Variants in UBR3 observed in about 807,000 individuals in gnomAD.
The protein encoded by UBR3 is E3 ubiquitin-protein ligase UBR3.
Under a neutral mutation model 243.2 loss-of-function variants are expected in UBR3, and 85 were observed. That is an observed-to-expected ratio of 0.35 (90% CI 0.29 to 0.42). The LOEUF (loss-of-function observed/expected upper bound fraction) is 0.42. UBR3 is among the 10% of genes least tolerant of loss of function. The pLI, the probability that UBR3 is intolerant of heterozygous loss-of-function variation, is 1.00. For missense variants in UBR3, 1,686 were observed against 2,300.8 expected (o/e 0.73, Z 5.47); for synonymous variants, 748 against 799.8 (o/e 0.94, Z 1.09).
At chr2:170,020,155 A>T (rs935281027) in intron 30 of UBR3, among the ~76,000 whole-genome samples, 2 of 152,306 alleles carry the variant, frequency 1.3e-5, no homozygotes, top group South Asian at 4.1e-4. Context: ...TGGCTTATGA[A>T]GGCCTTTTTC....
intron 1 of UBR3, among the ~76,000 whole-genome samples, chr2:169,831,127 A>ATATT (rs1450878762): frequency 1.8e-4 from 10 of 56,464 alleles, no homozygotes; most frequent in East Asian, 9.0e-4. Flanking sequence ...ATATATATAT[A>ATATT]TTTTTTTTTT....
At chr2:169,865,560 A>C (rs17554191) in intron 1 of UBR3, among the ~76,000 whole-genome samples, 3 of 152,018 alleles carry the variant, frequency 2.0e-5, no homozygotes, top group East Asian at 1.9e-4. Context: ...ACTCTGTTCA[A>C]ATTTTTCTTT....
At chr2:169,959,004 T>C (rs970298756) in intron 24 of UBR3, among the ~76,000 whole-genome samples, 1 of 152,202 alleles carries the variant, frequency 6.6e-6, no homozygotes, top group Non-Finnish European at 1.5e-5. Context: ...TGTATGATAG[T>C]AGCCTTTTAC....
chr2:169,844,285 C>T (rs2082394221), intron 1 of UBR3, among the ~76,000 whole-genome samples: 1 of 152,150 alleles, frequency 6.6e-6, no homozygotes, highest in African/African-American at 2.4e-5. Flanking sequence ...AGGCGTGAGC[C>T]ACTGCACCCG....
Position 169,891,146 on chromosome 2 carries a change from T to C in UBR3, c.1039-19T>C. 1 of 1,537,990 alleles carries C rather than the reference T, an allele frequency of 6.5e-7. No homozygotes were observed. The highest frequency in any genetic ancestry group is 8.8e-7 in the Non-Finnish European group (1 of 1,135,684). ...TTATGAATGTGACTGTGTATAATGC[T>C]AATATTATTTTCCTTCAGGATGATC... On this transcript the variant is annotated intron_variant, in intron 5 of 38. Transcript: ENST00000272793.
chr2:170,019,625 G>A (rs2090335840), intron 30 of UBR3, among the ~76,000 whole-genome samples: 1 of 152,072 alleles, frequency 6.6e-6, no homozygotes, highest in Non-Finnish European at 1.5e-5. Flanking sequence ...GTGGAGGCTG[G>A]AGTGAGGCAT....
rs561484178 is a variant in UBR3 at position 169,865,720 on chromosome 2, T to C, written c.546-6516T>C. Among the ~76,000 whole-genome samples, 5 of 152,346 alleles carry C rather than the reference T, an allele frequency of 3.3e-5. No homozygotes were observed. In the East Asian group the frequency reaches 9.6e-4, roughly 29 times the overall value. On this transcript the variant is annotated intron_variant, in intron 1 of 38. Coordinates refer to ENST00000272793, the MANE Select transcript of UBR3 (RefSeq NM_172070.4). ...AGTTTCATGCCCAATTATGTTTTCC[T>C]ATTCTTCTCTCCTGGCTTTCCTTTC...
intron 36 of UBR3, among the ~76,000 whole-genome samples, chr2:170,074,322 C>T (rs2091761204): frequency 6.6e-6 from 1 of 152,036 alleles, no homozygotes; most frequent in South Asian, 2.1e-4. Flanking sequence ...ACTTGGTGAC[C>T]AGATGTACAT....
chr2:169,858,131 C>T (rs962994392), intron 1 of UBR3, among the ~76,000 whole-genome samples: 5 of 152,114 alleles, frequency 3.3e-5, no homozygotes, highest in African/African-American at 1.2e-4. Flanking sequence ...AGTGGCTTAG[C>T]TGGGTGGTTC....
chr2:170,014,424 G>A (rs1192521908), intron 29 of UBR3: 2 of 150,612 alleles, frequency 1.3e-5, no homozygotes, highest in African/African-American at 4.9e-5. Context: ...GTCAGTTTTG[G>A]TTGTAGAAAA....
chr2:169,954,935 C>T (rs548633229), intron 23 of UBR3, among the ~76,000 whole-genome samples: 7 of 152,186 alleles, frequency 4.6e-5, no homozygotes, highest in Non-Finnish European at 7.4e-5. Context: ...AGTTGTCATG[C>T]CTCTTTGTTC....
intron 1 of UBR3, among the ~76,000 whole-genome samples, chr2:169,847,970 T>G (rs920481615): frequency 1.3e-5 from 2 of 152,258 alleles, no homozygotes; most frequent in South Asian, 2.1e-4. Flanking sequence ...TTTTTAGTAC[T>G]CTGTCCTATA....
intron 31 of UBR3, among the ~76,000 whole-genome samples, chr2:170,040,438 T>C (rs1451297654): frequency 1.3e-5 from 2 of 152,164 alleles, no homozygotes; most frequent in Non-Finnish European, 2.9e-5. Context: ...TAACCATACC[T>C]TTTCAACAGG....
intron 6 of UBR3, 52 bp from the exon 7 acceptor site, chr2:169,895,129 T>G: frequency 5.5e-6 from 8 of 1,447,694 alleles, no homozygotes; most frequent in East Asian, 5.2e-5. Flanking sequence ...AGTTATAAAA[T>G]GAGATGAGCA....
At position 170,008,910 on chromosome 2, in the gene UBR3, A is replaced by C. The variant is rs562595117; in HGVS notation, c.4337A>C (p.Asn1446Thr). The part of the protein sequence containing the change: ...DYSKTPGSPD[N>T]DFLFMYSVAR... ...AGCAAGACCCCGGGCTCACCAGACAATGATTTTCTCTTTATGTACTCTGTT... is the reference window on the plus strand; with the variant it reads ...AGCAAGACCCCGGGCTCACCAGACACTGATTTTCTCTTTATGTACTCTGTT... Residue 1446 changes from asparagine (N) to threonine (T), a missense_variant, in exon 29 of 39, where the codon AAT becomes ACT. By Grantham distance (65) the Asn-to-Thr change is moderately conservative. Around this residue, in one of 8 missense-constraint regions of UBR3, gnomAD observed 371 missense variants for 422.5 expected, o/e 0.88. Coordinates refer to ENST00000272793, the MANE Select transcript of UBR3 (RefSeq NM_172070.4). 2 of 1,597,682 alleles carry C rather than the reference A, an allele frequency of 1.3e-6. No individual in the cohort carries two copies. Among genetic ancestry groups the C allele is most frequent in the Non-Finnish European group, 1.7e-6 (2 of 1,173,886 alleles).
chr2:170,002,906 T>C (rs2089765048), intron 27 of UBR3, among the ~76,000 whole-genome samples: 1 of 152,152 alleles, frequency 6.6e-6, no homozygotes, highest in African/African-American at 2.4e-5. Flanking sequence ...CAGGATGGAG[T>C]GCAGTGGCTC....
chr2:169,941,142 C>T (rs1381963144), intron 19 of UBR3, among the ~76,000 whole-genome samples: 1 of 152,150 alleles, frequency 6.6e-6, no homozygotes, highest in African/African-American at 2.4e-5. Context: ...TGCTTACCAT[C>T]ATTCACTTCA....
chr2:169,838,237 T>G (rs1024157888), intron 1 of UBR3, among the ~76,000 whole-genome samples: 1 of 152,212 alleles, frequency 6.6e-6, no homozygotes, highest in Admixed American at 6.5e-5. Flanking sequence ...TGAACTGTAG[T>G]TTAATCATTC....
rs1398169847 is a variant in UBR3 at position 169,861,548 on chromosome 2, A to G, written c.546-10688A>G. Among the ~76,000 whole-genome samples the G allele has an allele frequency of 2.6e-5, 4 of 151,076 alleles. No homozygotes were observed. The East Asian group carries it at 5.8e-4, about 22-fold the overall frequency. The stretch of plus-strand genomic sequence containing the variant: ...TTGGAACCTGGGATGTGGAGGTTGC[A>G]GTGAGCCGAGATCGCGCCACTGCAC... On this transcript the variant is annotated intron_variant, in intron 1 of 38. Coordinates refer to ENST00000272793, the MANE Select transcript of UBR3 (RefSeq NM_172070.4).
Sources: allele counts gnomAD v4.1 joint callset (sites outside exome capture counted in the v4.1 genomes callset), GRCh38; gene constraint gnomAD v4.1.1; regional missense constraint gnomAD v4.1.1; transcripts MANE v1.5; gene names NCBI Gene and HGNC (gene_info 2026-07-23, HGNC 2026-07-21).